ZNF273: variants seen among roughly 807,000 people sequenced by gnomAD.
ZNF273 encodes the protein zinc finger protein 9.
Under a neutral mutation model 14.9 loss-of-function variants are expected in ZNF273, and 11 were observed. That is an observed-to-expected ratio of 0.74 (90% CI 0.46 to 1.22). The LOEUF is 1.22. Ranked by LOEUF, ZNF273 falls within the 50% of genes most tolerant of loss-of-function variation. The pLI is 0.00. For missense variants in ZNF273, 577 were observed against 660.6 expected, an observed-to-expected ratio of 0.87 and a Z score of 1.39; for synonymous variants, 199 against 223.9, an observed-to-expected ratio of 0.89 and a Z score of 0.99.
At chr7:64,889,142 G>C, downstream of ZNF273, 1 of 985,940 alleles carries the variant, frequency 1.0e-6, no homozygotes, top group Non-Finnish European at 1.2e-6. This position sits in a 1 kb window ranked among gnomAD's most constrained non-coding sequence, Gnocchi z 4.2. Flanking sequence ...CGTTGCGGAG[G>C]GGACGCCCGG....
intron 3 of ZNF273, among the ~76,000 whole-genome samples, chr7:64,926,150 CT>C (rs755107397): frequency 2.7e-3 from 275 of 103,734 alleles, no homozygotes; most frequent in Middle Eastern, 5.5e-3. Context: ...CACTTGGCAG[CT>C]TTTTTTTTTT....
intron 1 of ZNF273, among the ~76,000 whole-genome samples, chr7:64,878,177 C>T (rs1791164337): frequency 6.6e-6 from 1 of 151,800 alleles, no homozygotes; most frequent in African/African-American, 2.4e-5. Flanking sequence ...TGCGGGGCGG[C>T]GTGTTTGTTT....
Position 64,928,835 on chromosome 7 carries a change from A to G in ZNF273, c.1507A>G (p.Lys503Glu), listed in dbSNP as rs1794898880. The change falls in exon 4 of 4, where the codon AAA (lysine) becomes GAA (glutamate). Residue 503 changes from lysine (K) to glutamate (E), a missense_variant. Lys to Glu is a moderately conservative substitution (Grantham distance 56). This residue lies in a region of ZNF273 where 411 missense variants were observed against 440.4 expected (regional missense o/e 0.93). Coordinates refer to ENST00000476120, the MANE Select transcript of ZNF273 (RefSeq NM_021148.3). ...CTTTAACTGGTCCTCAACTCTTACTAAACATAAGAGAATTCATACTGGAGA... is the reference window on the plus strand; with the variant it reads ...CTTTAACTGGTCCTCAACTCTTACTGAACATAAGAGAATTCATACTGGAGA... ...KAFNWSSTLT[K>E]HKRIHTGEKP... 6.2e-7 allele frequency: 1 copy of G among 1,613,874 alleles called. No homozygotes were observed. Among genetic ancestry groups the G allele is most frequent in the South Asian group, 1.1e-5 (1 of 91,072 alleles).
exon 2 of ZNF273, chr7:64,888,679 G>A (rs1791759787): frequency 1.0e-6 from 1 of 985,772 alleles, no homozygotes; most frequent in Non-Finnish European, 1.2e-6. Flanking sequence ...CTTCGGCAAA[G>A]TCTTCGGGGT....
rs1470276180 is a variant in ZNF273 at position 64,927,998 on chromosome 7, CA to C, written c.671del (p.His224LeufsTer8). On this transcript the variant is annotated frameshift_variant, in exon 4 of 4. Transcript: ENST00000476120. LOFTEE classifies it low-confidence loss of function (END_TRUNC). ...TTGCATACTTTCACAACTAACTCAG[CA>C]TAAGAAAACTGCTACTAGAGTGAAT... is the stretch of plus-strand genomic sequence containing the variant. ...SCCILSQLTQHKKTATRVNFY... is the reference protein window; with the variant it reads ...SCCILSQLTQXKKTATRVNFY... The C allele has an allele frequency of 2.5e-6, 4 of 1,613,834 alleles. No individual in the cohort carries two copies. The African/African-American group carries it at 5.3e-5, about 22-fold the overall frequency.
At position 64,903,363 on chromosome 7, in the gene ZNF273, G is replaced by T; in HGVS notation, c.46G>T (p.Ala16Ser). The T allele has an allele frequency of 6.2e-7, 1 of 1,613,550 alleles. No homozygotes were observed. Among genetic ancestry groups the T allele is most frequent in the Non-Finnish European group, 8.5e-7 (1 of 1,179,610 alleles). Residue 16 changes from alanine to serine, a missense_variant, in exon 1 of 4, where the codon GCA becomes TCA. This residue lies in a region of ZNF273 where 162 missense variants were observed against 203.5 expected (regional missense o/e 0.80). Coordinates refer to ENST00000476120, the MANE Select transcript of ZNF273 (RefSeq NM_021148.3). Reference protein sequence around the residue: ...RGPPSVAPLPAGIGRSTAKTP... With the variant: ...RGPPSVAPLPSGIGRSTAKTP... ...TCCACCTTCTGTGGCCCCGTTACCT[G>T]CAGGTATTGGGAGATCCACAGCTAA...
At chr7:64,895,711 ATG>A (rs1792327071) in intron 3 of ZNF273, among the ~76,000 whole-genome samples, 2 of 152,240 alleles carry the variant, frequency 1.3e-5, no homozygotes, top group Admixed American at 1.3e-4. Flanking sequence ...TTAGTCTCTA[ATG>A]AGGTTATAAA....
chr7:64,927,247 A>C (rs7798063), intron 3 of ZNF273, among the ~76,000 whole-genome samples: 60,409 of 151,958 alleles, frequency 0.4, 13,507 homozygotes, highest in South Asian at 0.49. Context: ...CATGTGCCAC[A>C]CCCGGCTAAT....
downstream of ZNF273, chr7:64,879,926 A>G (rs1197842380): frequency 6.6e-6 from 1 of 152,214 alleles, no homozygotes; most frequent in Non-Finnish European, 1.5e-5. Flanking sequence ...CAGGCAGCCT[A>G]TTTCCTGAGA....
intron 1 of ZNF273, among the ~76,000 whole-genome samples, chr7:64,916,542 C>CAAAAAAAAAAAA: frequency 1.2e-5 from 1 of 84,378 alleles, no homozygotes; most frequent in Non-Finnish European, 2.2e-5. Flanking sequence ...AAAACTGTCT[C>CAAAAAAAAAAAA]AAAAAAAAAA....
intron 3 of ZNF273, among the ~76,000 whole-genome samples, chr7:64,895,422 T>C (rs779090499): frequency 3.9e-5 from 6 of 152,258 alleles, no homozygotes; most frequent in Non-Finnish European, 7.3e-5. Context: ...TTAGATCTAG[T>C]TGAATCTGCT....
At chr7:64,932,739 T>C (rs1795019648), downstream of ZNF273, among the ~76,000 whole-genome samples, 1 of 152,026 alleles carries the variant, frequency 6.6e-6, no homozygotes, top group South Asian at 2.1e-4. Context: ...CCGGCCAACA[T>C]GGTGAAACCC....
At chr7:64,935,996 T>C in the ZNF273 span, among the ~76,000 whole-genome samples, 43 of 152,356 alleles carry the variant, frequency 2.8e-4, no homozygotes, top group Middle Eastern at 3.4e-3. Flanking sequence ...TGCTCAATTA[T>C]TAAGTTATGG....
chr7:64,912,488 C>A (rs1184930180), intron 1 of ZNF273, among the ~76,000 whole-genome samples: 2 of 151,318 alleles, frequency 1.3e-5, no homozygotes, highest in Admixed American at 1.3e-4. Flanking sequence ...CACCTCTTTT[C>A]TTCTGTTCCC....
intron 1 of ZNF273, among the ~76,000 whole-genome samples, chr7:64,887,833 ACT>A (rs1176133328): frequency 6.8e-6 from 1 of 146,584 alleles, no homozygotes; most frequent in African/African-American, 2.5e-5. Context: ...CAGGGCTCTG[ACT>A]CTGAGCAGGG....
chr7:64,921,185 C>T (rs913851284), intron 3 of ZNF273, among the ~76,000 whole-genome samples: 2 of 151,966 alleles, frequency 1.3e-5, no homozygotes, highest in African/African-American at 4.8e-5. Context: ...CTGCCTCAGC[C>T]TCCCAAGTAG....
downstream of ZNF273, chr7:64,931,000 A>G (rs1194449008): frequency 6.6e-6 from 1 of 152,136 alleles, no homozygotes; most frequent in East Asian, 1.9e-4. Context: ...AAAATTTGTT[A>G]TATATTTTTC....
chr7:64,889,679 C>G, downstream of ZNF273: 2 of 985,906 alleles, frequency 2.0e-6, no homozygotes, highest in South Asian at 4.7e-5. The surrounding 1 kb of genome is among the most constrained non-coding windows in gnomAD (Gnocchi z 4.2). Context: ...GCCCTGGGGC[C>G]CCTCCGCCCC....
downstream of ZNF273, among the ~76,000 whole-genome samples, chr7:64,884,466 A>G (rs149577192): frequency 6.6e-6 from 1 of 151,938 alleles, no homozygotes; most frequent in African/African-American, 2.4e-5. Flanking sequence ...CTCTCTCTCA[A>G]CCTTATGTGT....
Sources: allele counts gnomAD v4.1 joint callset (sites outside exome capture counted in the v4.1 genomes callset), GRCh38; gene constraint gnomAD v4.1.1; regional missense constraint gnomAD v4.1.1; non-coding constraint Gnocchi (gnomAD v3.1); transcripts MANE v1.5; gene names NCBI Gene and HGNC (gene_info 2026-07-23, HGNC 2026-07-21).